FAR1: variants seen among roughly 807,000 people sequenced by gnomAD.
FAR1 encodes the protein male sterility domain-containing protein 2.
Under a neutral mutation model 61.1 loss-of-function variants are expected in FAR1, and 22 were observed. The observed-to-expected ratio is 0.36, with a 90% CI of 0.26 to 0.51. The LOEUF is 0.51. Ranked by LOEUF, FAR1 falls within the 20% of genes least tolerant of loss-of-function variation. The pLI is 0.95. For missense variants in FAR1, 359 were observed against 626.9 expected, an observed-to-expected ratio of 0.57 and a Z score of 4.56; for synonymous variants, 206 against 209.7, an observed-to-expected ratio of 0.98 and a Z score of 0.15.
intron 3 of FAR1, 79 bp downstream of exon 3, chr11:13,700,571 A>T: frequency 4.2e-6 from 4 of 954,728 alleles, no homozygotes; most frequent in Non-Finnish European, 5.8e-6. Flanking sequence ...CTTTTTAGTC[A>T]ATTTGTTTTG....
At chr11:13,725,957 ATAATT>A (rs1359998083) in intron 10 of FAR1, among the ~76,000 whole-genome samples, 1 of 151,742 alleles carries the variant, frequency 6.6e-6, no homozygotes, top group African/African-American at 2.4e-5. Flanking sequence ...TATGTTTTGA[ATAATT>A]TAATATTTTC....
intron 2 of FAR1, among the ~76,000 whole-genome samples, chr11:13,695,732 C>T (rs1848300725): frequency 6.6e-6 from 1 of 152,154 alleles, no homozygotes; most frequent in African/African-American, 2.4e-5. Flanking sequence ...AATCCTGAAA[C>T]TGTAGCAAGC....
chr11:13,709,568 C>A (rs1027917000), intron 4 of FAR1, among the ~76,000 whole-genome samples: 8 of 152,016 alleles, frequency 5.3e-5, no homozygotes, highest in Non-Finnish European at 1.0e-4. Context: ...TCTGTAAACT[C>A]GTTCTAGTAA....
rs190856239 is a variant in FAR1 at position 13,728,846 on chromosome 11, T to C, written c.*72T>C. ...ATGTACAAAATGTAAAATGTATAAG[T>C]CATCTCACTTTTTGTCAAGACATTA... On this transcript the variant is annotated 3_prime_UTR_variant, in exon 12 of 12. Transcript: ENST00000354817. 2.8e-4 allele frequency: 394 copies of C among 1,403,882 alleles called. 3 individuals are homozygous for C. In the African/African-American group the frequency reaches 4.8e-3, roughly 17 times the overall value. The allele number at this position is 1,403,882 out of a possible 1,614,324, so 87.0% of individuals were successfully genotyped here.
chr11:13,708,447 G>GCGCGCGCGCACACACACA (rs139902063), intron 4 of FAR1, among the ~76,000 whole-genome samples: 1 of 136,700 alleles, frequency 7.3e-6, no homozygotes, highest in Non-Finnish European at 1.6e-5. Context: ...GCGCGCGCGC[G>GCGCGCGCGCACACACACA]CACACACACA....
In FAR1 at chr11:13,710,986, C is replaced by G. The variant is rs1591267748; in HGVS notation, c.723+116C>G. ...GGTATTATTTACTAAAGGTGAATTA[C>G]CATGGCAAAGCTGTTTTGTGTTCAT... On this transcript the variant is annotated intron_variant, in intron 5 of 11. Transcript: ENST00000354817. The G allele has an allele frequency of 2.9e-5, 25 of 871,946 alleles. No homozygotes were observed. In the East Asian group the frequency reaches 7.0e-4, roughly 24 times the overall value. The allele number at this position is 871,946 out of a possible 1,614,324, so 54.0% of individuals were successfully genotyped here.
chr11:13,728,885 C>T lies in FAR1; in HGVS notation c.*111C>T, dbSNP rs1052371090. 2.3e-5 allele frequency: 23 copies of T among 983,796 alleles called. No homozygotes were observed. The highest frequency in any genetic ancestry group is 6.9e-5 in the South Asian group (4 of 57,738). 60.9% of individuals were successfully genotyped at this position (983,796 alleles called of 1,614,324 possible). ...GTCAAGACATTAAACCATCTTAGATCGGAGTGTGAAGTAAATTATGGTATA... is the reference window on the plus strand; with the variant it reads ...GTCAAGACATTAAACCATCTTAGATTGGAGTGTGAAGTAAATTATGGTATA... On this transcript the variant is annotated 3_prime_UTR_variant, in exon 12 of 12. Transcript: ENST00000354817.
chr11:13,700,130 A>G (rs1848353625), intron 2 of FAR1, among the ~76,000 whole-genome samples, 187 bp from the exon 3 acceptor site: 1 of 152,158 alleles, frequency 6.6e-6, no homozygotes, highest in South Asian at 2.1e-4. Flanking sequence ...CAAAATGAGG[A>G]TAATAGCGTG....
chr11:13,669,578 T>C (rs150206191), intron 1 of FAR1: 17 of 152,346 alleles, frequency 1.1e-4, no homozygotes, highest in African/African-American at 4.1e-4. Flanking sequence ...TGTGAATCTT[T>C]TATGAGTAGT....
chr11:13,723,605 G>A (rs906579667), intron 10 of FAR1, among the ~76,000 whole-genome samples: 2 of 152,060 alleles, frequency 1.3e-5, no homozygotes, highest in East Asian at 3.9e-4. Flanking sequence ...GTGTCTTTAA[G>A]CAATTCAGAG....
At position 13,727,608 on chromosome 11, in the gene FAR1, A is replaced by G; in HGVS notation, c.1310A>G (p.Tyr437Cys). 3 of 1,610,876 alleles carry G rather than the reference A, an allele frequency of 1.9e-6. No homozygotes were observed. Among genetic ancestry groups the G allele is most frequent in the Non-Finnish European group, 2.5e-6 (3 of 1,177,712 alleles). ...CATTGGGCAGAATATATAGAGAACTACTGCTTGGGAACTAAGAAGTACGTA... is the reference window on the plus strand; with the variant it reads ...CATTGGGCAGAATATATAGAGAACTGCTGCTTGGGAACTAAGAAGTACGTA... ...QLHWAEYIEN[Y>C]CLGTKKYVLN... is the part of the protein sequence containing the mutation. Residue 437 changes from tyrosine to cysteine, a missense_variant, in exon 11 of 12, where the codon TAC becomes TGC. Transcript: ENST00000354817.
intron 10 of FAR1, among the ~76,000 whole-genome samples, chr11:13,725,001 A>G (rs909024787): frequency 7.9e-5 from 12 of 152,330 alleles, no homozygotes; most frequent in East Asian, 1.9e-4. Context: ...GTCTTCCCAG[A>G]GGGAACAACT....
intron 10 of FAR1, among the ~76,000 whole-genome samples, chr11:13,724,277 G>GACTACTTT (rs750907922): frequency 0.089 from 13,606 of 152,066 alleles, 699 homozygotes; most frequent in Middle Eastern, 0.13. Flanking sequence ...GCCGGGCGTG[G>GACTACTTT]TGGCTCACAC....
intron 5 of FAR1, among the ~76,000 whole-genome samples, chr11:13,711,488 A>G (rs770073930): frequency 2.6e-5 from 4 of 152,204 alleles, no homozygotes; most frequent in African/African-American, 4.8e-5. Flanking sequence ...ATATTCAACA[A>G]TATAAACCCT....
chr11:13,669,506 G>T (rs1847970601), intron 1 of FAR1: 1 of 152,194 alleles, frequency 6.6e-6, no homozygotes, highest in Non-Finnish European at 1.5e-5. Context: ...GCATTAGTTG[G>T]TCTGTTAGGA....
At chr11:13,675,150 A>G (rs191961849) in intron 1 of FAR1, among the ~76,000 whole-genome samples, 1 of 151,904 alleles carries the variant, frequency 6.6e-6, no homozygotes, top group East Asian at 1.9e-4. Context: ...TCATATAAAT[A>G]TATTTTGAGA....
chr11:13,680,880 A>G (rs1361333119), intron 1 of FAR1, among the ~76,000 whole-genome samples: 3 of 152,220 alleles, frequency 2.0e-5, no homozygotes, highest in Non-Finnish European at 4.4e-5. Flanking sequence ...TGATGATTGC[A>G]GTTACCAAAA....
At chr11:13,715,980 C>A (rs575986865) in intron 9 of FAR1, 21 of 152,246 alleles carry the variant, frequency 1.4e-4, no homozygotes, top group Non-Finnish European at 2.5e-4. Flanking sequence ...ATGTTTCTAA[C>A]CCTATATGTT....
chr11:13,711,665 G>A, intron 5 of FAR1, 99 bp from the exon 6 acceptor site: 1 of 897,316 alleles, frequency 1.1e-6, no homozygotes, highest in Non-Finnish European at 1.8e-6. Flanking sequence ...TTAGAAGACA[G>A]CTACCAAGTA....
Sources: allele counts gnomAD v4.1 joint callset (sites outside exome capture counted in the v4.1 genomes callset), GRCh38; gene constraint gnomAD v4.1.1; transcripts MANE v1.5; gene names NCBI Gene and HGNC (gene_info 2026-07-23, HGNC 2026-07-21).